The following UNC5D variants were observed in gnomAD, a reference collection of about 807,000 sequenced individuals.
UNC5D encodes the protein netrin receptor UNC5D.
UNC5D carries 39 observed loss-of-function variants against 105.4 expected under a neutral mutation model. That is an observed-to-expected ratio of 0.37 (90% CI 0.29 to 0.48). The LOEUF is 0.48. Ranked by LOEUF, UNC5D falls within the 20% of genes least tolerant of loss-of-function variation. The pLI is 0.98. For missense variants in UNC5D, 991 were observed against 1,202.4 expected (o/e 0.82, Z 2.60); for synonymous variants, 452 against 450.4 (o/e 1.00, Z -0.04).
At chr8:35,417,866 A>G (rs1389625412) in intron 1 of UNC5D, among the ~76,000 whole-genome samples, 2 of 152,316 alleles carry the variant, frequency 1.3e-5, no homozygotes, top group Admixed American at 6.5e-5. Flanking sequence ...CCAGATACAC[A>G]TATGTAACAG....
chr8:35,327,834 CA>C (rs1189687551), intron 1 of UNC5D, among the ~76,000 whole-genome samples: 2 of 152,180 alleles, frequency 1.3e-5, no homozygotes, highest in African/African-American at 4.8e-5. Flanking sequence ...AGTCATTTAT[CA>C]GAAGCGTGAA....
At chr8:35,487,727 G>A (rs1810928134) in intron 1 of UNC5D, among the ~76,000 whole-genome samples, 1 of 152,102 alleles carries the variant, frequency 6.6e-6, no homozygotes, top group Non-Finnish European at 1.5e-5. Context: ...GATATAGGTA[G>A]AAAGAGTTTT....
chr8:35,446,603 A>C (rs1451932822), intron 1 of UNC5D, among the ~76,000 whole-genome samples: 1 of 152,116 alleles, frequency 6.6e-6, no homozygotes, highest in Non-Finnish European at 1.5e-5. Context: ...TAAATAAATG[A>C]GTTTCATTAG....
chr8:35,595,887 G>C (rs1373828754), intron 4 of UNC5D, among the ~76,000 whole-genome samples: 1 of 152,178 alleles, frequency 6.6e-6, no homozygotes, highest in Non-Finnish European at 1.5e-5. Context: ...AGGCAGCCTG[G>C]GTAGGATTTG....
At chr8:35,718,122 A>T (rs6991108) in intron 8 of UNC5D, among the ~76,000 whole-genome samples, 117,063 of 151,428 alleles carry the variant, frequency 0.77, 46,152 homozygotes, top group African/African-American at 0.94. Context: ...CACCTGTAGA[A>T]TGTAGACAGT....
chr8:35,388,931 CTA>C (rs1235223338), intron 1 of UNC5D, among the ~76,000 whole-genome samples: 1 of 152,144 alleles, frequency 6.6e-6, no homozygotes, highest in African/African-American at 2.4e-5. Flanking sequence ...TGTTGAAAGC[CTA>C]AGGTTTCCTA....
At chr8:35,776,624 A>G (rs1802257614) in intron 16 of UNC5D, among the ~76,000 whole-genome samples, 1 of 152,138 alleles carries the variant, frequency 6.6e-6, no homozygotes, top group Non-Finnish European at 1.5e-5. Flanking sequence ...CTGATGGTTT[A>G]CTTGTTTTTG....
At chr8:35,277,135 G>A (rs1004295633) in intron 1 of UNC5D, among the ~76,000 whole-genome samples, 6 of 152,034 alleles carry the variant, frequency 3.9e-5, no homozygotes, top group African/African-American at 9.7e-5. Flanking sequence ...GCCTTCCCCC[G>A]TAACCGGTTA....
chr8:35,531,873 GC>G (rs1283874681), intron 1 of UNC5D, among the ~76,000 whole-genome samples: 172 of 72,818 alleles, frequency 2.4e-3, no homozygotes, highest in African/African-American at 3.4e-3. Context: ...TGCAACCCCT[GC>G]CTTTTTTTGT....
In UNC5D at chr8:35,366,725, C is replaced by T. The variant is rs376788016; in HGVS notation, c.103+130838C>T. On this transcript the variant is annotated intron_variant, in intron 1 of 16. Transcript: ENST00000404895. ...AATGTGCATTCTAGATCCTTCTTCCCCTGAGTAATTTAGAGGCTATGGATA... is the reference window on the plus strand; with the variant it reads ...AATGTGCATTCTAGATCCTTCTTCCTCTGAGTAATTTAGAGGCTATGGATA... Among the ~76,000 whole-genome samples, 80 of 151,850 alleles carry T rather than the reference C, an allele frequency of 5.3e-4. 1 individual carries two copies. The highest frequency in any genetic ancestry group is 1.8e-3 in the African/African-American group (74 of 41,386).
At chr8:35,253,932 GTTC>G (rs1803896049) in intron 1 of UNC5D, among the ~76,000 whole-genome samples, 1 of 152,120 alleles carries the variant, frequency 6.6e-6, no homozygotes, top group Admixed American at 6.5e-5. Context: ...GGCATTAAAT[GTTC>G]TTCAAAAGAG....
At chr8:35,746,067 T>C (rs1055668341) in intron 11 of UNC5D, among the ~76,000 whole-genome samples, 16 of 152,104 alleles carry the variant, frequency 1.1e-4, no homozygotes, top group Non-Finnish European at 2.1e-4. Context: ...TGATTACCCC[T>C]GGACTATATT....
chr8:35,481,497 T>A (rs573186079), intron 1 of UNC5D, among the ~76,000 whole-genome samples: 1 of 152,302 alleles, frequency 6.6e-6, no homozygotes, highest in South Asian at 2.1e-4. Context: ...GTACCAGGTC[T>A]TCAGCCCCTA....
intron 4 of UNC5D, among the ~76,000 whole-genome samples, chr8:35,613,713 G>T (rs151010135): frequency 6.6e-6 from 1 of 152,138 alleles, no homozygotes; most frequent in African/African-American, 2.4e-5. Flanking sequence ...GCCAGGCATG[G>T]TGGTGCATGC....
chr8:35,765,366 G>A lies in UNC5D; in HGVS notation c.2314-1536G>A, dbSNP rs116810638. Reference sequence around the variant, plus strand: ...CACTTCTTGCACAGGAATGAAGTCCGTGAAATGCCAGATGGTTTCCTGCCT... The same window carrying A: ...CACTTCTTGCACAGGAATGAAGTCCATGAAATGCCAGATGGTTTCCTGCCT... On this transcript the variant is annotated intron_variant, in intron 14 of 16. Coordinates refer to ENST00000404895, the MANE Select transcript of UNC5D (RefSeq NM_080872.4). Among the ~76,000 whole-genome samples, 264 of 152,284 alleles carry A rather than the reference G, an allele frequency of 1.7e-3. 3 individuals are homozygous for A. The highest frequency in any genetic ancestry group is 6.0e-3 in the African/African-American group (250 of 41,572).
chr8:35,401,538 G>A (rs1336238544), intron 1 of UNC5D, among the ~76,000 whole-genome samples: 1 of 152,142 alleles, frequency 6.6e-6, no homozygotes, highest in Non-Finnish European at 1.5e-5. Context: ...AGACAGTTCT[G>A]AGATGAGGAC....
At chr8:35,525,081 T>G (rs1813768570) in intron 1 of UNC5D, 11 of 1,235,130 alleles carry the variant, frequency 8.9e-6, no homozygotes, top group Non-Finnish European at 1.3e-5. Context: ...CAACAGGACA[T>G]ATAGGATCCC....
At chr8:35,538,587 G>T (rs192715629) in intron 1 of UNC5D, among the ~76,000 whole-genome samples, 3 of 151,784 alleles carry the variant, frequency 2.0e-5, no homozygotes, top group Admixed American at 1.3e-4. Flanking sequence ...AAGAGAAAAA[G>T]GATCCATTGT....
At chr8:35,500,970 C>T (rs1811927886) in intron 1 of UNC5D, among the ~76,000 whole-genome samples, 1 of 152,160 alleles carries the variant, frequency 6.6e-6, no homozygotes, top group Non-Finnish European at 1.5e-5. Context: ...ATTTAGAGTA[C>T]CATGATTCTT....
Sources: allele counts gnomAD v4.1 joint callset (sites outside exome capture counted in the v4.1 genomes callset), GRCh38; gene constraint gnomAD v4.1.1; transcripts MANE v1.5; gene names NCBI Gene and HGNC (gene_info 2026-07-23, HGNC 2026-07-21).